EVI5: variants seen among roughly 807,000 people sequenced by gnomAD.
The protein encoded by EVI5 is ecotropic viral integration site 5 protein homolog.
EVI5 carries 73 observed loss-of-function variants against 112.0 expected under a neutral mutation model. The observed-to-expected ratio is 0.65, with a 90% CI of 0.54 to 0.79. The LOEUF (loss-of-function observed/expected upper bound fraction) is 0.79. Ranked by LOEUF, EVI5 falls within the 30% of genes least tolerant of loss-of-function variation. The pLI is 0.00. For synonymous variants in EVI5, 305 were observed against 319.9 expected (o/e 0.95, Z 0.50); for missense variants, 900 against 968.8 (o/e 0.93, Z 0.94).
In EVI5 at chr1:92,603,234, C is replaced by T. The variant is rs187079550; in HGVS notation, c.2070+2073G>A. Among the ~76,000 whole-genome samples the T allele has an allele frequency of 3.9e-5, 6 of 152,210 alleles. No individual in the cohort carries two copies. In the East Asian group the frequency reaches 1.2e-3, roughly 29 times the overall value. On this transcript the variant is annotated intron_variant, in intron 18 of 19. Transcript: ENST00000684568. The stretch of plus-strand genomic sequence containing the variant: ...GGTGCAAATGCGGAAAAAATGAAAT[C>T]CTCATGCATTGCTGGTAGAAATGTA...
At chr1:92,623,446 T>A (rs1419203421) in intron 16 of EVI5, among the ~76,000 whole-genome samples, 1 of 152,190 alleles carries the variant, frequency 6.6e-6, no homozygotes, top group African/African-American at 2.4e-5. Context: ...AGTATAAGAA[T>A]ATGGTCCAAA....
intron 5 of EVI5, 27 bp from the exon 6 acceptor site, chr1:92,698,012 T>A: frequency 6.3e-7 from 1 of 1,592,808 alleles, no homozygotes; most frequent in Non-Finnish European, 8.6e-7. Flanking sequence ...AAAAACAACA[T>A]AGGTTAATGT....
chr1:92,565,697 G>A (rs956391321), intron 18 of EVI5, among the ~76,000 whole-genome samples: 2 of 151,904 alleles, frequency 1.3e-5, no homozygotes, highest in East Asian at 1.9e-4. Context: ...GGCCAGGCGC[G>A]GTGGCTCATG....
chr1:92,653,613 C>G (rs1662518589), intron 13 of EVI5, among the ~76,000 whole-genome samples: 1 of 152,230 alleles, frequency 6.6e-6, no homozygotes, highest in African/African-American at 2.4e-5. Context: ...TCAGAGCACA[C>G]AGACTTTCTG....
At chr1:92,743,378 C>T (rs1043070335) in intron 1 of EVI5, among the ~76,000 whole-genome samples, 6 of 151,952 alleles carry the variant, frequency 3.9e-5, no homozygotes, top group African/African-American at 1.5e-4. Context: ...GAAATTCTGA[C>T]ATACCACAAC....
intron 18 of EVI5, among the ~76,000 whole-genome samples, chr1:92,571,058 C>G (rs570368478): frequency 6.6e-6 from 1 of 151,624 alleles, no homozygotes; most frequent in East Asian, 1.9e-4. Flanking sequence ...ATATAGTTGT[C>G]TTATTTAGAT....
intron 19 of EVI5, among the ~76,000 whole-genome samples, chr1:92,551,036 CTTTCTT>C (rs1385400241): frequency 1.0e-4 from 6 of 59,310 alleles, no homozygotes; most frequent in Non-Finnish European, 1.6e-4. Flanking sequence ...TTCTTTCTTT[CTTTCTT>C]TTTTTTTTTT....
chr1:92,642,760 T>A (rs767836409), intron 13 of EVI5, among the ~76,000 whole-genome samples: 1 of 152,100 alleles, frequency 6.6e-6, no homozygotes, highest in African/African-American at 2.4e-5. Context: ...TCTAGAATTA[T>A]AGAAAAGGGA....
intron 13 of EVI5, among the ~76,000 whole-genome samples, chr1:92,646,742 T>C (rs1006199800): frequency 6.6e-6 from 1 of 152,222 alleles, no homozygotes; most frequent in Non-Finnish European, 1.5e-5. Flanking sequence ...AAATGCTTTG[T>C]CACACCAACA....
intron 13 of EVI5, among the ~76,000 whole-genome samples, chr1:92,648,639 T>C (rs967985453): frequency 6.6e-6 from 1 of 152,242 alleles, no homozygotes; most frequent in Admixed American, 6.5e-5. Flanking sequence ...ATATGTGATC[T>C]TTTGGGTCTG....
intron 2 of EVI5, among the ~76,000 whole-genome samples, chr1:92,730,368 G>A (rs1676249045): frequency 6.6e-6 from 1 of 151,568 alleles, no homozygotes; most frequent in Admixed American, 6.6e-5. Context: ...CTAAAAGAAA[G>A]AAAGAAGGAA....
chr1:92,642,794 C>A (rs1187545569), intron 13 of EVI5, among the ~76,000 whole-genome samples: 2 of 114,254 alleles, frequency 1.8e-5, no homozygotes, highest in Non-Finnish European at 3.6e-5. Flanking sequence ...GAAATCCTGT[C>A]TAGCCTCCCA....
intron 5 of EVI5, among the ~76,000 whole-genome samples, chr1:92,700,388 T>C (rs533491545): frequency 6.6e-6 from 1 of 152,330 alleles, no homozygotes; most frequent in Non-Finnish European, 1.5e-5. Flanking sequence ...TATGGGAGAA[T>C]ATAGCATAAG....
chr1:92,661,390 T>A (rs1663981933), intron 13 of EVI5, among the ~76,000 whole-genome samples: 1 of 152,124 alleles, frequency 6.6e-6, no homozygotes, highest in Admixed American at 6.5e-5. Context: ...CCCTTTGATA[T>A]ACATCTATCA....
chr1:92,685,353 C>T (rs1668338450), intron 9 of EVI5, among the ~76,000 whole-genome samples: 1 of 152,130 alleles, frequency 6.6e-6, no homozygotes, highest in South Asian at 2.1e-4. Context: ...TCTTTGAAAC[C>T]AGTGAGAACA....
At chr1:92,629,627 T>C (rs1008564058) in intron 14 of EVI5, among the ~76,000 whole-genome samples, 1 of 152,174 alleles carries the variant, frequency 6.6e-6, no homozygotes, top group African/African-American at 2.4e-5. Context: ...GATTGGACAG[T>C]TCTAACAACT....
At position 92,563,694 on chromosome 1, in the gene EVI5, G is replaced by A; in HGVS notation, c.2114C>T (p.Ser705Phe). Residue 705 changes from serine to phenylalanine, a missense_variant, in exon 19 of 20, where the codon TCT becomes TTT. Physicochemically the swap from Ser to Phe is radical, Grantham distance 155. Transcript: ENST00000684568. ...TTTCAGTTCCCCAATATACTGGTTA[G>A]AATCAGACTTGTTAAGCTGTCCTTG... Reference protein sequence around the residue: ...KLQGQLNKSDSNQYIGELKDQ... With the variant: ...KLQGQLNKSDFNQYIGELKDQ... 1 of 1,609,834 alleles carries A rather than the reference G, an allele frequency of 6.2e-7. No homozygotes were observed. Among genetic ancestry groups the A allele is most frequent in the Non-Finnish European group, 8.5e-7 (1 of 1,177,134 alleles).
chr1:92,747,728 C>CA (rs56198225), intron 1 of EVI5, among the ~76,000 whole-genome samples: 13 of 128,126 alleles, frequency 1.0e-4, no homozygotes, highest in African/African-American at 1.4e-4. Context: ...AAAAAAAAAA[C>CA]AAAAAAAAAA....
At chr1:92,706,167 G>A (rs1671936296) in intron 2 of EVI5, among the ~76,000 whole-genome samples, 1 of 151,786 alleles carries the variant, frequency 6.6e-6, no homozygotes, top group Non-Finnish European at 1.5e-5. Flanking sequence ...AACAGCCAAA[G>A]TGAGCATCAA....
Sources: gnomAD v4.1 joint callset for allele counts (sites outside exome capture counted in the v4.1 genomes callset) on GRCh38, gnomAD v4.1.1 for gene constraint, MANE v1.5 for transcripts, NCBI Gene and HGNC (gene_info 2026-07-23, HGNC 2026-07-21) for gene names.